SLC17A1: variants seen among roughly 807,000 people sequenced by gnomAD.
The protein encoded by SLC17A1 is solute carrier family 17 member 1, also known as sodium-dependent phosphate transport protein 1.
Under a neutral mutation model 53.5 loss-of-function variants are expected in SLC17A1, and 51 were observed. The observed-to-expected ratio is 0.95, with a 90% CI of 0.76 to 1.20. The LOEUF is 1.20. Among genes scored for constraint, SLC17A1 ranks in the 50% most tolerant of loss-of-function variants. The pLI is 0.00. For synonymous variants in SLC17A1, 179 were observed against 198.8 expected, an observed-to-expected ratio of 0.90 and a Z score of 0.84; for missense variants, 538 against 568.2, an observed-to-expected ratio of 0.95 and a Z score of 0.54.
chr6:25,750,964 G>A, the SLC17A1 span, among the ~76,000 whole-genome samples: 1 of 152,200 alleles, frequency 6.6e-6, no homozygotes, highest in Non-Finnish European at 1.5e-5. Context: ...ATTACTCATG[G>A]CATGCACAGC....
At chr6:25,730,448 AAAGTTGAACTCATAT>A in the SLC17A1 span, among the ~76,000 whole-genome samples, 1 of 152,238 alleles carries the variant, frequency 6.6e-6, no homozygotes, top group Non-Finnish European at 1.5e-5. Context: ...GAATTAAAAA[AAAGTTGAACTCATAT>A]AAGTAGCAGA....
the SLC17A1 span, among the ~76,000 whole-genome samples, chr6:25,754,164 A>G: frequency 2.0e-5 from 3 of 152,110 alleles, no homozygotes; most frequent in Non-Finnish European, 4.4e-5. Flanking sequence ...GATTCATGAG[A>G]AAACTAGAGG....
chr6:25,818,239 C>G (rs1258982335), intron 6 of SLC17A1, among the ~76,000 whole-genome samples: 1 of 152,160 alleles, frequency 6.6e-6, no homozygotes, highest in Non-Finnish European at 1.5e-5. Context: ...TTGCCTCAAT[C>G]TATGTGTCCT....
the SLC17A1 span, among the ~76,000 whole-genome samples, chr6:25,763,657 C>T: frequency 1.3e-5 from 2 of 152,100 alleles, no homozygotes; most frequent in African/African-American, 4.8e-5. Context: ...GAGAAATGCC[C>T]CCTCCCCCAT....
Position 25,819,610 on chromosome 6 carries a change from A to G in SLC17A1, c.442-12T>C. ...GTTGCAACTATCCCCTGAAATGAGA[A>G]AGGTTTGACATTTAATCTCTAATAC... On this transcript the variant is annotated splice_polypyrimidine_tract_variant and intron_variant, in intron 4 of 12. Transcript: ENST00000244527. 6.2e-7 allele frequency: 1 copy of G among 1,613,384 alleles called. No homozygotes were observed. The highest frequency in any genetic ancestry group is 8.5e-7 in the Non-Finnish European group (1 of 1,179,358).
intron 10 of SLC17A1, among the ~76,000 whole-genome samples, chr6:25,801,604 C>T (rs1286959475): frequency 6.6e-6 from 1 of 152,162 alleles, no homozygotes; most frequent in Non-Finnish European, 1.5e-5. Flanking sequence ...GAGTTCACTC[C>T]AGGGCTGGGA....
At chr6:25,765,550 T>C in the SLC17A1 span, among the ~76,000 whole-genome samples, 5 of 152,038 alleles carry the variant, frequency 3.3e-5, no homozygotes, top group Non-Finnish European at 5.9e-5. Context: ...TTCTCAATAA[T>C]GACAATAACA....
At chr6:25,775,331 T>TAA in the SLC17A1 span, among the ~76,000 whole-genome samples, 68 of 147,670 alleles carry the variant, frequency 4.6e-4, no homozygotes, top group South Asian at 1.7e-3. Context: ...AAACTCTGTC[T>TAA]AAAAAAAAAA....
the SLC17A1 span, among the ~76,000 whole-genome samples, chr6:25,753,075 A>G: frequency 4.6e-5 from 7 of 152,246 alleles, no homozygotes; most frequent in African/African-American, 1.7e-4. Context: ...AGACACAAAT[A>G]TGCAAGTTAG....
In SLC17A1 at chr6:25,813,976, G is replaced by A. The variant is rs546271328; in HGVS notation, c.617-763C>T. 7.9e-5 allele frequency among the ~76,000 whole-genome samples: 12 copies of A among 152,294 alleles called. No individual in the cohort carries two copies. In the East Asian group the frequency reaches 1.3e-3, roughly 17 times the overall value. ...ATATGTACCATATTTTGTTTATCCA[G>A]TCTATCATTGATGGGCATTTAGGTT... On this transcript the variant is annotated intron_variant, in intron 6 of 12. Transcript: ENST00000244527.
At chr6:25,781,365 CAA>C (rs1310820623), downstream of SLC17A1, among the ~76,000 whole-genome samples, 1 of 151,632 alleles carries the variant, frequency 6.6e-6, no homozygotes, top group South Asian at 2.1e-4. Context: ...AGAATGTTTC[CAA>C]AAAAAGTGAG....
chr6:25,728,753 G>A, the SLC17A1 span, among the ~76,000 whole-genome samples: 3 of 152,258 alleles, frequency 2.0e-5, no homozygotes, highest in Admixed American at 6.5e-5. Flanking sequence ...GGCGGAGGTT[G>A]CAGTGAGCCG....
At chr6:25,789,352 AAAAT>A (rs1763452126) in intron 12 of SLC17A1, among the ~76,000 whole-genome samples, 1 of 152,230 alleles carries the variant, frequency 6.6e-6, no homozygotes, top group South Asian at 2.1e-4. Flanking sequence ...GAGCTTTACT[AAAAT>A]AAATAAGTGA....
At chr6:25,770,446 TCAACTCAC>T in the SLC17A1 span, 1 of 1,613,840 alleles carries the variant, frequency 6.2e-7, no homozygotes, top group Non-Finnish European at 8.5e-7. Context: ...TGGAAAGGAG[TCAACTCAC>T]CACCATTGCT....
chr6:25,805,566 A>C (rs1051582751), intron 10 of SLC17A1, among the ~76,000 whole-genome samples: 2 of 152,064 alleles, frequency 1.3e-5, no homozygotes, highest in Non-Finnish European at 2.9e-5. Context: ...TCACAGTACA[A>C]AAGATCAATG....
chr6:25,819,940 G>A (rs768011879), intron 3 of SLC17A1, 25 bp from the exon 4 acceptor site: 17 of 1,454,860 alleles, frequency 1.2e-5, no homozygotes, highest in African/African-American at 1.1e-4. Context: ...GGGACATGTC[G>A]AATCACTCTG....
chr6:25,772,261 A>G, the SLC17A1 span, among the ~76,000 whole-genome samples: 2 of 152,318 alleles, frequency 1.3e-5, no homozygotes, highest in Middle Eastern at 3.4e-3. Context: ...ATAGAAACTC[A>G]CTAAATATTT....
intron 10 of SLC17A1, among the ~76,000 whole-genome samples, chr6:25,810,859 C>A (rs537131301): frequency 3.3e-5 from 5 of 152,216 alleles, no homozygotes; most frequent in African/African-American, 1.2e-4. Context: ...ACCTAAGTGT[C>A]CATCAGCAGA....
chr6:25,762,492 C>A, the SLC17A1 span, among the ~76,000 whole-genome samples: 5 of 152,162 alleles, frequency 3.3e-5, no homozygotes, highest in African/African-American at 7.2e-5. Context: ...ATCTATATTA[C>A]AACATCATGC....
Sources: allele counts gnomAD v4.1 joint callset (sites outside exome capture counted in the v4.1 genomes callset), GRCh38; gene constraint gnomAD v4.1.1; transcripts MANE v1.5; gene names NCBI Gene and HGNC (gene_info 2026-07-23, HGNC 2026-07-21).